The following PELI2 variants were observed in gnomAD, a reference collection of about 807,000 sequenced individuals.
The protein encoded by PELI2 is pellino E3 ubiquitin protein ligase family member 2, also known as E3 ubiquitin-protein ligase pellino homolog 2.
Under a neutral mutation model 42.3 loss-of-function variants are expected in PELI2, and 23 were observed. The ratio of observed to expected loss-of-function variants is 0.54; its 90% CI spans 0.39 to 0.77. The LOEUF is 0.77. Among genes scored for constraint, PELI2 ranks in the 30% least tolerant of loss-of-function variants. PELI2 has a pLI of 0.00. For synonymous variants in PELI2, 245 were observed against 212.2 expected, an observed-to-expected ratio of 1.15 and a Z score of -1.34; for missense variants, 463 against 553.2, an observed-to-expected ratio of 0.84 and a Z score of 1.64.
intron 1 of PELI2, among the ~76,000 whole-genome samples, chr14:56,134,010 AT>A (rs1407275007): frequency 6.6e-6 from 1 of 152,216 alleles, no homozygotes; most frequent in African/African-American, 2.4e-5. Flanking sequence ...TAGCTTATTT[AT>A]ATTTCTTTAT....
At chr14:56,246,461 T>C (rs1199114800) in intron 2 of PELI2, among the ~76,000 whole-genome samples, 2 of 152,194 alleles carry the variant, frequency 1.3e-5, no homozygotes, top group South Asian at 2.1e-4. Context: ...CACTAATTCT[T>C]TCAACCCTTC....
At chr14:56,260,275 G>A (rs1307558279) in intron 2 of PELI2, among the ~76,000 whole-genome samples, 1 of 152,050 alleles carries the variant, frequency 6.6e-6, no homozygotes, top group African/African-American at 2.4e-5. Context: ...TCCTTTAAAT[G>A]TCCATAGAAT....
At chr14:56,159,961 C>G (rs931601169) in intron 1 of PELI2, among the ~76,000 whole-genome samples, 1 of 149,910 alleles carries the variant, frequency 6.7e-6, no homozygotes, top group Non-Finnish European at 1.5e-5. Context: ...TTCAAAAAGG[C>G]AAGCAGCTAA....
intron 3 of PELI2, among the ~76,000 whole-genome samples, chr14:56,281,480 T>G (rs1341740377): frequency 6.6e-6 from 1 of 152,128 alleles, no homozygotes. Flanking sequence ...CTTTTTCCAT[T>G]TTCTGTAACA....
intron 2 of PELI2, among the ~76,000 whole-genome samples, chr14:56,255,795 A>G (rs1446329609): frequency 1.3e-5 from 2 of 151,998 alleles, no homozygotes; most frequent in Non-Finnish European, 2.9e-5. Context: ...CTCTAATCTT[A>G]TTATGCAAAT....
chr14:56,252,775 G>C (rs544343846), intron 2 of PELI2, among the ~76,000 whole-genome samples: 8 of 152,194 alleles, frequency 5.3e-5, no homozygotes, highest in Admixed American at 2.0e-4. Context: ...TTCTACCAGA[G>C]GTATAAAGAG....
chr14:56,176,323 C>G (rs1285130495), intron 1 of PELI2, among the ~76,000 whole-genome samples: 3 of 152,206 alleles, frequency 2.0e-5, no homozygotes, highest in East Asian at 3.8e-4. Flanking sequence ...AAACCCCTCT[C>G]AACTCCAGTG....
At chr14:56,202,918 G>A (rs1303914968) in intron 2 of PELI2, among the ~76,000 whole-genome samples, 1 of 152,094 alleles carries the variant, frequency 6.6e-6, no homozygotes, top group East Asian at 1.9e-4. Context: ...AGGCAGGGAA[G>A]TTGCCCTTTA....
intron 2 of PELI2, among the ~76,000 whole-genome samples, chr14:56,199,242 A>G: frequency 6.6e-6 from 1 of 152,092 alleles, no homozygotes. Context: ...GTCCTTAGTG[A>G]TTGTCCTGAG....
chr14:56,200,390 G>C (rs1221748453), intron 2 of PELI2, among the ~76,000 whole-genome samples: 4 of 110,438 alleles, frequency 3.6e-5, no homozygotes, highest in Admixed American at 1.0e-4. Flanking sequence ...GTGAGGCACA[G>C]AGTGTTAAGT....
At chr14:56,231,609 G>T (rs992690878) in intron 2 of PELI2, among the ~76,000 whole-genome samples, 1 of 152,218 alleles carries the variant, frequency 6.6e-6, no homozygotes, top group African/African-American at 2.4e-5. Flanking sequence ...ATTTAAAGCA[G>T]CGTGTAGAGG....
chr14:56,261,196 A>C (rs531628286), intron 2 of PELI2, among the ~76,000 whole-genome samples: 16 of 152,300 alleles, frequency 1.1e-4, no homozygotes, highest in African/African-American at 3.8e-4. Flanking sequence ...TAATATGTGC[A>C]CTTTCAGCTT....
rs1461352268 is a variant in PELI2 at position 56,273,739 on chromosome 14, T to C, written c.208-5937T>C. On this transcript the variant is annotated intron_variant, in intron 2 of 5. Transcript: ENST00000267460. The surrounding 1 kb of genome is among the most constrained non-coding windows in gnomAD (Gnocchi z 4.3). ...CATGAAGTTTTTAAGTGTGAGTGACTGTTGTGCTATTGACTGAAATAGGAA... is the reference window on the plus strand; with the variant it reads ...CATGAAGTTTTTAAGTGTGAGTGACCGTTGTGCTATTGACTGAAATAGGAA... 6.6e-6 allele frequency among the ~76,000 whole-genome samples: 1 copy of C among 152,214 alleles called. No individual in the cohort carries two copies. Among genetic ancestry groups the C allele is most frequent in the Non-Finnish European group, 1.5e-5 (1 of 68,032 alleles).
chr14:56,174,723 T>C (rs564108848), intron 1 of PELI2, among the ~76,000 whole-genome samples: 1 of 152,356 alleles, frequency 6.6e-6, no homozygotes, highest in African/African-American at 2.4e-5. Flanking sequence ...TGTAAGTTTC[T>C]TGAGGCTTCC....
chr14:56,240,879 G>A (rs1455372045), intron 2 of PELI2, among the ~76,000 whole-genome samples: 1 of 152,110 alleles, frequency 6.6e-6, no homozygotes, highest in Non-Finnish European at 1.5e-5. Context: ...TCTGTAAAGT[G>A]GGTCACTAAG....
intron 1 of PELI2, among the ~76,000 whole-genome samples, chr14:56,151,948 G>C (rs1365062659): frequency 2.0e-5 from 3 of 152,232 alleles, no homozygotes; most frequent in South Asian, 4.1e-4. Context: ...GCAGTCCAAG[G>C]CTGCTGTAGT....
intron 2 of PELI2, among the ~76,000 whole-genome samples, chr14:56,232,349 A>G (rs1281779781): frequency 6.6e-6 from 1 of 152,174 alleles, no homozygotes; most frequent in Non-Finnish European, 1.5e-5. Flanking sequence ...ACATTGATGC[A>G]AAAATCCTCA....
chr14:56,225,406 C>A (rs961062407), intron 2 of PELI2, among the ~76,000 whole-genome samples: 1 of 152,096 alleles, frequency 6.6e-6, no homozygotes, highest in African/African-American at 2.4e-5. Flanking sequence ...ACAAAGCTGT[C>A]AGATGTGGAG....
intron 2 of PELI2, among the ~76,000 whole-genome samples, chr14:56,183,216 T>A (rs1436251863): frequency 6.6e-6 from 1 of 152,150 alleles, no homozygotes; most frequent in East Asian, 1.9e-4. Flanking sequence ...AACATGAATA[T>A]TCTGAATCTC....
Sources: allele counts gnomAD v4.1 joint callset (sites outside exome capture counted in the v4.1 genomes callset), GRCh38; gene constraint gnomAD v4.1.1; non-coding constraint Gnocchi (gnomAD v3.1); transcripts MANE v1.5; gene names NCBI Gene and HGNC (gene_info 2026-07-23, HGNC 2026-07-21).